Variants in ALMS1 observed in about 807,000 individuals in gnomAD.
ALMS1 encodes the protein ALMS1 centrosome and basal body associated protein.
A neutral mutation model predicts 352.2 loss-of-function variants in ALMS1; 271 were observed. The ratio of observed to expected loss-of-function variants is 0.77; its 90% CI spans 0.70 to 0.85. The LOEUF (loss-of-function observed/expected upper bound fraction) is 0.85, where lower values mean the gene tolerates loss of function less well. Among genes scored for constraint, ALMS1 ranks in the 40% least tolerant of loss-of-function variants. The probability of loss-of-function intolerance (pLI) is 0.00; values close to 1 mark genes in which losing one functional copy is unlikely to be tolerated. For missense variants in ALMS1, 5,445 were observed against 4,870.7 expected, an observed-to-expected ratio of 1.12 and a Z score of -3.51; for synonymous variants, 1,865 against 1,761.2, an observed-to-expected ratio of 1.06 and a Z score of -1.48.
At chr2:73,582,743 T>G (rs540852692) in intron 16 of ALMS1, among the ~76,000 whole-genome samples, 1 of 152,346 alleles carries the variant, frequency 6.6e-6, no homozygotes, top group South Asian at 2.1e-4. Context: ...TTCTACTGTT[T>G]ACATATACCA....
chr2:73,401,002 G>A (rs1670863014), intron 1 of ALMS1, among the ~76,000 whole-genome samples: 1 of 152,142 alleles, frequency 6.6e-6, no homozygotes, highest in African/African-American at 2.4e-5. Flanking sequence ...GGCCAGGCTG[G>A]TCTCAAACTC....
chr2:73,586,789 A>T (rs796167815), intron 16 of ALMS1, among the ~76,000 whole-genome samples: 2 of 152,292 alleles, frequency 1.3e-5, no homozygotes, highest in East Asian at 3.9e-4. Flanking sequence ...GCAAAGAATG[A>T]TGATGGTATT....
intron 10 of ALMS1, among the ~76,000 whole-genome samples, chr2:73,515,887 A>G (rs549643002): frequency 1.4e-4 from 21 of 152,076 alleles, no homozygotes; most frequent in African/African-American, 4.6e-4. Context: ...GAAATATACA[A>G]TCTCCCAAGA....
chr2:73,479,835 C>G (rs1419270445), intron 9 of ALMS1, among the ~76,000 whole-genome samples: 1 of 152,122 alleles, frequency 6.6e-6, no homozygotes, highest in Non-Finnish European at 1.5e-5. Context: ...ACATTCCCAC[C>G]AGCAGTGTGT....
Position 73,448,026 on chromosome 2 carries a change from C to CGGG in ALMS1, c.1499_1500insGGG (p.Thr500_Pro501insGly), listed in dbSNP as rs1180308461. On this transcript the variant is annotated inframe_insertion, in exon 8 of 23. Coordinates refer to ENST00000613296, the MANE Select transcript of ALMS1 (RefSeq NM_001378454.1). ...AACTTGAAGTCAGGCATCACTACCACTCCTGTTGATTCAGACATTGGATCT... is the reference window on the plus strand; with the variant it reads ...AACTTGAAGTCAGGCATCACTACCACGGGTCCTGTTGATTCAGACATTGGATCT... The CGGG allele has an allele frequency of 6.2e-7, 1 of 1,613,930 alleles. No homozygotes were observed. Among genetic ancestry groups the CGGG allele is most frequent in the African/African-American group, 1.3e-5 (1 of 75,016 alleles).
chr2:73,469,599 T>G (rs902353937), intron 9 of ALMS1: 1 of 151,920 alleles, frequency 6.6e-6, no homozygotes, highest in African/African-American at 2.4e-5. Flanking sequence ...AAAACTTTAT[T>G]GATCAAACAT....
At chr2:73,588,562 T>C (rs183044940) in intron 16 of ALMS1, among the ~76,000 whole-genome samples, 12 of 152,340 alleles carry the variant, frequency 7.9e-5, no homozygotes, top group Non-Finnish European at 1.5e-4. Flanking sequence ...TTTCTTGGTG[T>C]CTGGTTGTCT....
intron 15 of ALMS1, among the ~76,000 whole-genome samples, chr2:73,561,913 G>A (rs1674671623): frequency 6.6e-6 from 1 of 151,350 alleles, no homozygotes; most frequent in South Asian, 2.1e-4. Context: ...AAGACATGAA[G>A]TATATGAAAT....
intron 15 of ALMS1, among the ~76,000 whole-genome samples, chr2:73,570,902 C>G (rs568639608): frequency 1.3e-5 from 2 of 152,328 alleles, no homozygotes; most frequent in Non-Finnish European, 2.9e-5. Flanking sequence ...ATTTTTACTT[C>G]ACATCTCATC....
chr2:73,394,416 A>G (rs1315136319), intron 1 of ALMS1, among the ~76,000 whole-genome samples: 2 of 152,054 alleles, frequency 1.3e-5, no homozygotes, highest in Admixed American at 6.6e-5. Context: ...CAGTGGTGCA[A>G]TCTCAGCTCA....
chr2:73,584,028 G>A (rs1223062318), intron 16 of ALMS1, among the ~76,000 whole-genome samples: 17 of 152,056 alleles, frequency 1.1e-4, no homozygotes, highest in Admixed American at 9.8e-4. Flanking sequence ...GCTATGTAAT[G>A]CATGTTTCTT....
At chr2:73,583,026 C>T (rs771315362) in intron 16 of ALMS1, among the ~76,000 whole-genome samples, 2 of 146,328 alleles carry the variant, frequency 1.4e-5, no homozygotes, top group African/African-American at 2.7e-5. Context: ...TTCTTTACAT[C>T]CTTACCAACA....
intron 7 of ALMS1, among the ~76,000 whole-genome samples, chr2:73,445,242 G>T (rs1346203629): frequency 2.6e-5 from 4 of 152,042 alleles, no homozygotes; most frequent in Non-Finnish European, 5.9e-5. Context: ...ATTTCTTTAT[G>T]TTGTGAAAAT....
intron 12 of ALMS1, among the ~76,000 whole-genome samples, chr2:73,543,865 A>G (rs1454601215): frequency 2.0e-5 from 3 of 152,218 alleles, no homozygotes; most frequent in African/African-American, 7.2e-5. Flanking sequence ...TCAGGAAACA[A>G]TAGGTGCTGG....
At chr2:73,408,475 G>T in intron 1 of ALMS1, 147 bp from the exon 2 acceptor site, 1 of 924,252 alleles carries the variant, frequency 1.1e-6, no homozygotes, top group Non-Finnish European at 1.7e-6. Flanking sequence ...AAGGATAATA[G>T]CTTGTATAAT....
chr2:73,527,068 C>T (rs138590330), intron 11 of ALMS1, among the ~76,000 whole-genome samples: 3,362 of 152,164 alleles, frequency 0.022, 126 homozygotes, highest in Admixed American at 0.088. Flanking sequence ...TGAGGCATCA[C>T]ATTGATTGAT....
chr2:73,491,239 TCACTGGAAC>T lies in ALMS1; in HGVS notation c.9283_9291del (p.Leu3095_Pro3097del). Reference sequence around the variant, plus strand: ...TGACTTACATACTGTATCTTCGAGATCACTGGAACCAACCTCCAAATTATTGACCAGTAA... The same window carrying T: ...TGACTTACATACTGTATCTTCGAGATCAACCTCCAAATTATTGACCAGTAA... On this transcript the variant is annotated inframe_deletion, in exon 10 of 23. Transcript: ENST00000613296. 1 of 1,614,104 alleles carries T rather than the reference TCACTGGAAC, an allele frequency of 6.2e-7. No individual in the cohort carries two copies. Among genetic ancestry groups the T allele is most frequent in the Non-Finnish European group, 8.5e-7 (1 of 1,179,982 alleles).
rs140406018 is a variant in ALMS1, at chr2:73,509,150, A to G, written c.9540-10625A>G. Among the ~76,000 whole-genome samples the G allele has an allele frequency of 4.1e-3, 622 of 152,086 alleles. 1 individual carries two copies. Among genetic ancestry groups the G allele is most frequent in the African/African-American group, 8.9e-3 (367 of 41,462 alleles). On this transcript the variant is annotated intron_variant, in intron 10 of 22. Transcript: ENST00000613296. ...TTTGAGCCTATGTGTGTCTTTGCAC[A>G]TGAGATGCGTCTCCTGAATACAGCA...
intron 16 of ALMS1, among the ~76,000 whole-genome samples, chr2:73,597,807 A>T (rs1352662114): frequency 1.3e-5 from 2 of 151,786 alleles, no homozygotes; most frequent in Non-Finnish European, 2.9e-5. Context: ...CCTGCATCAA[A>T]GTTGCTGCCA....
Sources: allele counts gnomAD v4.1 joint callset (sites outside exome capture counted in the v4.1 genomes callset), GRCh38; gene constraint gnomAD v4.1.1; transcripts MANE v1.5; gene names NCBI Gene and HGNC (gene_info 2026-07-23, HGNC 2026-07-21).